The following TRAF7 variants were observed in gnomAD, a reference collection of about 807,000 sequenced individuals.
TRAF7 encodes the protein TNF receptor associated factor 7, also known as E3 ubiquitin-protein ligase TRAF7.
In TRAF7, 45 loss-of-function variants were observed where a neutral mutation model predicts 89.3. The observed-to-expected ratio is 0.50, with a 90% CI of 0.40 to 0.65. TRAF7 has a LOEUF of 0.65. Ranked by LOEUF, TRAF7 falls within the 30% of genes least tolerant of loss-of-function variation. The pLI is 0.00. For missense variants in TRAF7, 677 were observed against 918.1 expected, an observed-to-expected ratio of 0.74 and a Z score of 3.39; for synonymous variants, 406 against 369.2, an observed-to-expected ratio of 1.10 and a Z score of -1.14.
At chr16:2,172,990 G>A (rs1158718192) in intron 9 of TRAF7, among the ~76,000 whole-genome samples, 192 bp from the exon 10 acceptor site, 6 of 152,048 alleles carry the variant, frequency 3.9e-5, no homozygotes, top group Non-Finnish European at 7.4e-5. Flanking sequence ...CGGGGGTGAC[G>A]TGATGGGATC....
In TRAF7 at chr16:2,176,804, G is replaced by A. The variant is rs903812064; in HGVS notation, c.*230G>A. 18 of 642,692 alleles carry A rather than the reference G, an allele frequency of 2.8e-5. No individual in the cohort carries two copies. The highest frequency in any genetic ancestry group is 8.2e-5 in the East Asian group (3 of 36,422). 39.8% of individuals were successfully genotyped at this position (642,692 alleles called of 1,614,324 possible). On this transcript the variant is annotated 3_prime_UTR_variant, in exon 21 of 21. Transcript: ENST00000326181. ...GGGTGCCAGGTACGACGCTTGCCCC[G>A]GCCCACCCTCCATCCCCACCCTCCA...
chr16:2,169,259 C>T (rs1338344336), intron 4 of TRAF7, among the ~76,000 whole-genome samples: 1 of 152,202 alleles, frequency 6.6e-6, no homozygotes, highest in Admixed American at 6.5e-5. Flanking sequence ...GCTGGGATTA[C>T]AAGTGTGAGC....
chr16:2,164,172 G>GCA (rs1412486998), intron 2 of TRAF7, among the ~76,000 whole-genome samples, 171 bp downstream of exon 2: 10 of 126,014 alleles, frequency 7.9e-5, no homozygotes, highest in South Asian at 2.4e-4. Context: ...GCGCGCGCGC[G>GCA]CGCGCGCGCA....
chr16:2,163,200 C>G lies in TRAF7; in HGVS notation c.-38-683C>G, dbSNP rs867605957. ...TCCCGCATGCCTTCTCCCTGCCCCCCCACCCACCAGCCCCTGAGCCCCTGT... is the reference window on the plus strand; with the variant it reads ...TCCCGCATGCCTTCTCCCTGCCCCCGCACCCACCAGCCCCTGAGCCCCTGT... On this transcript the variant is annotated intron_variant, in intron 1 of 20. Transcript: ENST00000326181. The surrounding 1 kb of genome is among the most constrained non-coding windows in gnomAD (Gnocchi z 4.3). Among the ~76,000 whole-genome samples the G allele has an allele frequency of 3.3e-5, 5 of 152,286 alleles. No homozygotes were observed. Among genetic ancestry groups the G allele is most frequent in the South Asian group, 2.1e-4 (1 of 4,824 alleles).
At position 2,163,877 on chromosome 16, in the gene TRAF7, C is replaced by T. The variant is rs917503657; in HGVS notation, c.-38-6C>T. ...CTCAAGCCCCTCATTTGTGCTCCAC[C>T]CACAGGAGGTGCTTCCCAAGGACCG... is the stretch of plus-strand genomic sequence containing the variant. On this transcript the variant is annotated splice_polypyrimidine_tract_variant and splice_region_variant and intron_variant, in intron 1 of 20. Transcript: ENST00000326181. This position sits in a 1 kb window ranked among gnomAD's most constrained non-coding sequence, Gnocchi z 4.3. 1.3e-6 allele frequency: 2 copies of T among 1,560,408 alleles called. No homozygotes were observed.
Position 2,176,670 on chromosome 16 carries a change from C to T in TRAF7, c.*96C>T, listed in dbSNP as rs905652325. 2 of 1,582,166 alleles carry T rather than the reference C, an allele frequency of 1.3e-6. No homozygotes were observed. The highest frequency in any genetic ancestry group is 1.1e-5 in the South Asian group (1 of 89,788). On this transcript the variant is annotated 3_prime_UTR_variant, in exon 21 of 21. Coordinates refer to ENST00000326181, the MANE Select transcript of TRAF7 (RefSeq NM_032271.3). ...GGGTGGTCTCGGGGTTTCTGCCTGCCCCGTGGGCATAGGTGGACAGGCTCT... is the reference window on the plus strand; with the variant it reads ...GGGTGGTCTCGGGGTTTCTGCCTGCTCCGTGGGCATAGGTGGACAGGCTCT...
rs1204368782 is a variant in TRAF7 at position 2,173,338 on chromosome 16, C to T, written c.951C>T (p.Ser317=). The T allele has an allele frequency of 6.2e-7, 1 of 1,613,632 alleles. No homozygotes were observed. Among genetic ancestry groups the T allele is most frequent in the Admixed American group, 1.7e-5 (1 of 60,016 alleles). ...ACCAGGAGATCGCCTTCCTGCGCTC[C>T]ATGCTGGGAAAGCTCTCGGAGAAGA... The part of the protein sequence containing the change: ...QKDQEIAFLR[S]MLGKLSEKID... Residue 317 remains serine (S), a synonymous_variant, in exon 10 of 21, where the codon TCC becomes TCT. Coordinates refer to ENST00000326181, the MANE Select transcript of TRAF7 (RefSeq NM_032271.3).
Position 2,175,914 on chromosome 16 carries a change from TCAC to T in TRAF7, c.1711_1713del (p.His571del), listed in dbSNP as rs2093133701. 6.2e-7 allele frequency: 1 copy of T among 1,613,498 alleles called. No homozygotes were observed. The highest frequency in any genetic ancestry group is 8.5e-7 in the Non-Finnish European group (1 of 1,179,982). ...GCGTCTACTCCATTGCTGTGACAAA[TCAC>T]CACATTGTCTGTGGCACCTACGAGA... On this transcript the variant is annotated inframe_deletion, in exon 18 of 21. Coordinates refer to ENST00000326181, the MANE Select transcript of TRAF7 (RefSeq NM_032271.3).
At chr16:2,171,983 CT>C (rs2093113370) in intron 7 of TRAF7, among the ~76,000 whole-genome samples, 1 of 152,218 alleles carries the variant, frequency 6.6e-6, no homozygotes, top group Admixed American at 6.5e-5. Context: ...CCACCCCACA[CT>C]TTTCCGGGCA....
chr16:2,164,464 G>A (rs1427592294), intron 2 of TRAF7, among the ~76,000 whole-genome samples: 12 of 141,054 alleles, frequency 8.5e-5, no homozygotes, highest in South Asian at 6.8e-4. Flanking sequence ...TTAGTGCTGC[G>A]TGGCCTGGCC....
chr16:2,175,892 T>G lies in TRAF7; in HGVS notation c.1685T>G (p.Val562Gly), dbSNP rs2141297360. Residue 562 changes from valine (V) to glycine (G), a missense_variant, in exon 18 of 21, where the codon GTC becomes GGC. Physicochemically the swap from Val to Gly is moderately radical, Grantham distance 109 (BLOSUM62 -3). This residue lies in a region of TRAF7 where 160 missense variants were observed against 263.7 expected (regional missense o/e 0.61). Coordinates refer to ENST00000326181, the MANE Select transcript of TRAF7 (RefSeq NM_032271.3). Reference protein sequence around the residue: ...IHVLQTSGGSVYSIAVTNHHI... With the variant: ...IHVLQTSGGSGYSIAVTNHHI... ...GTCCTGCAGACGTCTGGTGGCAGCG[T>G]CTACTCCATTGCTGTGACAAATCAC... The G allele has an allele frequency of 1.2e-6, 2 of 1,613,550 alleles. No homozygotes were observed. The highest frequency in any genetic ancestry group is 1.7e-6 in the Non-Finnish European group (2 of 1,179,984).
chr16:2,160,730 G>T (rs1280879799), intron 1 of TRAF7, among the ~76,000 whole-genome samples: 2 of 152,124 alleles, frequency 1.3e-5, no homozygotes, highest in Non-Finnish European at 2.9e-5. Context: ...CCAGCACTGG[G>T]AACTGGAGGG....
intron 2 of TRAF7, 112 bp downstream of exon 2, chr16:2,164,113 C>G: frequency 1.1e-6 from 1 of 929,146 alleles, no homozygotes; most frequent in South Asian, 1.7e-5. Context: ...GCTGGGGTCT[C>G]AGGGGAGCTC....
At chr16:2,166,999 G>A (rs550759918) in intron 3 of TRAF7, among the ~76,000 whole-genome samples, 23 of 152,318 alleles carry the variant, frequency 1.5e-4, no homozygotes, top group Admixed American at 1.2e-3. Flanking sequence ...TGATAAACCT[G>A]GCCATGGGGT....
chr16:2,167,355 G>A (rs935616695), intron 3 of TRAF7, among the ~76,000 whole-genome samples: 2 of 152,220 alleles, frequency 1.3e-5, no homozygotes, highest in Non-Finnish European at 1.5e-5. Context: ...AGGGCTCATC[G>A]TGACATCTGA....
chr16:2,165,225 TA>T (rs2093079397), intron 2 of TRAF7, among the ~76,000 whole-genome samples: 1 of 138,760 alleles, frequency 7.2e-6, no homozygotes, highest in African/African-American at 2.8e-5. Context: ...GTCGCATGGT[TA>T]AGCGTGTTAG....
At position 2,173,560 on chromosome 16, in the gene TRAF7, C is replaced by CG. The variant is rs34678012; in HGVS notation, c.1086+9dup. 6.2e-7 allele frequency: 1 copy of CG among 1,612,314 alleles called. No homozygotes were observed. The highest frequency in any genetic ancestry group is 1.7e-5 in the Admixed American group (1 of 59,994). The stretch of plus-strand genomic sequence containing the variant: ...GGGACGCATCCATGTTAAATGTGAG[C>CG]GGGCGGGGCTGGAGGGGCTGGGTTG... On this transcript the variant is annotated splice_region_variant and intron_variant, in intron 11 of 20. Coordinates refer to ENST00000326181, the MANE Select transcript of TRAF7 (RefSeq NM_032271.3).
chr16:2,176,013 C>T lies in TRAF7; in HGVS notation c.1747-36C>T, dbSNP rs2093134235. The T allele has an allele frequency of 3.7e-6, 6 of 1,610,044 alleles. No individual in the cohort carries two copies. In the East Asian group the frequency reaches 1.1e-4, roughly 30 times the overall value. ...GTGGCCCCGTCTCCCCCGCCTTGCT[C>T]AGTGTCTTTGACCTGCCTGTGCCCA... On this transcript the variant is annotated intron_variant, in intron 18 of 20. Transcript: ENST00000326181.
rs1436767125 is a variant in TRAF7 at position 2,163,788 on chromosome 16, G to A, written c.-38-95G>A. 1 of 817,088 alleles carries A rather than the reference G, an allele frequency of 1.2e-6. No individual in the cohort carries two copies. The highest frequency in any genetic ancestry group is 2.0e-6 in the Non-Finnish European group (1 of 492,532). 50.6% of individuals were successfully genotyped at this position (817,088 alleles called of 1,614,324 possible). On this transcript the variant is annotated intron_variant, in intron 1 of 20. Coordinates refer to ENST00000326181, the MANE Select transcript of TRAF7 (RefSeq NM_032271.3). This position sits in a 1 kb window ranked among gnomAD's most constrained non-coding sequence, Gnocchi z 4.3. ...AAGGCTGCTGCGGCGGCCCCACGGT[G>A]CCCCACAGCAGGTCTGCACACTTGC...
Sources: allele counts gnomAD v4.1 joint callset (sites outside exome capture counted in the v4.1 genomes callset), GRCh38; gene constraint gnomAD v4.1.1; regional missense constraint gnomAD v4.1.1; non-coding constraint Gnocchi (gnomAD v3.1); transcripts MANE v1.5; gene names NCBI Gene and HGNC (gene_info 2026-07-23, HGNC 2026-07-21).